Variants in GRID2 observed in about 807,000 individuals in gnomAD.
GRID2 encodes the protein glutamate ionotropic receptor delta type subunit 2, also known as glutamate receptor ionotropic, delta-2.
Under a neutral mutation model 114.8 loss-of-function variants are expected in GRID2, and 33 were observed. That is an observed-to-expected ratio of 0.29 (90% confidence interval 0.22 to 0.38). GRID2 has a LOEUF of 0.38. GRID2 is among the 10% of genes least tolerant of loss of function. The probability of loss-of-function intolerance (pLI) is 1.00; values close to 1 mark genes in which losing one functional copy is unlikely to be tolerated. For missense variants in GRID2, 1,184 were observed against 1,257.7 expected (o/e 0.94, Z 0.89); for synonymous variants, 505 against 449.9 (o/e 1.12, Z -1.55).
intron 14 of GRID2, among the ~76,000 whole-genome samples, chr4:93,742,679 T>C (rs1172108512): frequency 6.6e-6 from 1 of 152,182 alleles, no homozygotes; most frequent in Non-Finnish European, 1.5e-5. Context: ...ATAATTGTTT[T>C]GGGGCACAAT....
At chr4:92,975,831 T>G (rs1199901661) in intron 2 of GRID2, among the ~76,000 whole-genome samples, 1 of 151,802 alleles carries the variant, frequency 6.6e-6, no homozygotes, top group Admixed American at 6.6e-5. Context: ...AAACATGGAG[T>G]GTTTTGATAG....
intron 2 of GRID2, among the ~76,000 whole-genome samples, chr4:92,649,316 A>T (rs1205411635): frequency 1.3e-5 from 2 of 150,052 alleles, no homozygotes; most frequent in African/African-American, 4.9e-5. Context: ...CTTGAGAACC[A>T]GACGAGGCAA....
chr4:92,351,720 A>G (rs1293448554), intron 1 of GRID2, among the ~76,000 whole-genome samples: 2 of 151,598 alleles, frequency 1.3e-5, no homozygotes, highest in Admixed American at 1.3e-4. Flanking sequence ...CTGTGTCCTC[A>G]AGTATTTTGG....
At chr4:93,374,747 T>C (rs573191041) in intron 8 of GRID2, among the ~76,000 whole-genome samples, 1 of 152,278 alleles carries the variant, frequency 6.6e-6, no homozygotes, top group African/African-American at 2.4e-5. Context: ...TAGATATTTG[T>C]GACAAAATTT....
intron 14 of GRID2, among the ~76,000 whole-genome samples, chr4:93,676,693 T>C (rs1237866972): frequency 6.7e-6 from 1 of 149,240 alleles, no homozygotes; most frequent in Non-Finnish European, 1.5e-5. Context: ...GAGAACATTG[T>C]GCACATATAC....
chr4:92,808,986 A>G (rs2149377554), intron 2 of GRID2, among the ~76,000 whole-genome samples: 1 of 152,048 alleles, frequency 6.6e-6, no homozygotes. Context: ...ATAAAAATGA[A>G]TTTCCTTAAT....
intron 14 of GRID2, among the ~76,000 whole-genome samples, chr4:93,702,540 A>T (rs1285577231): frequency 6.6e-6 from 1 of 152,158 alleles, no homozygotes; most frequent in Non-Finnish European, 1.5e-5. Flanking sequence ...TAATGCTAAA[A>T]AAAATTATTG....
chr4:93,483,780 TA>T (rs1229207938), intron 11 of GRID2, among the ~76,000 whole-genome samples: 1 of 151,844 alleles, frequency 6.6e-6, no homozygotes, highest in Non-Finnish European at 1.5e-5. Context: ...CTTTGGAAAA[TA>T]AAAATTTTTC....
chr4:93,115,202 C>T (rs1446275707), intron 4 of GRID2, among the ~76,000 whole-genome samples: 1 of 151,050 alleles, frequency 6.6e-6, no homozygotes, highest in Non-Finnish European at 1.5e-5. Flanking sequence ...TTTATTTCTA[C>T]CTCCAGTTAT....
chr4:93,165,718 A>C (rs1402563617), intron 4 of GRID2, among the ~76,000 whole-genome samples: 1 of 152,076 alleles, frequency 6.6e-6, no homozygotes, highest in Non-Finnish European at 1.5e-5. Context: ...CAATAGTAGC[A>C]ACTTAACATA....
chr4:92,918,541 A>G (rs1749017916), intron 2 of GRID2, among the ~76,000 whole-genome samples: 1 of 152,160 alleles, frequency 6.6e-6, no homozygotes, highest in African/African-American at 2.4e-5. Context: ...TACCGAATTT[A>G]TGGAGAGTTT....
intron 2 of GRID2, among the ~76,000 whole-genome samples, chr4:92,959,939 G>A (rs1229145637): frequency 6.6e-6 from 1 of 151,798 alleles, no homozygotes; most frequent in East Asian, 1.9e-4. Flanking sequence ...AACCACCATG[G>A]CACATGTGTA....
chr4:92,431,949 T>C (rs1222742874), intron 1 of GRID2, among the ~76,000 whole-genome samples: 3 of 152,260 alleles, frequency 2.0e-5, no homozygotes, highest in Admixed American at 6.5e-5. Context: ...TGTGTCTGCA[T>C]TGGGGGAACC....
At chr4:93,221,492 A>T (rs1744871129) in intron 6 of GRID2, among the ~76,000 whole-genome samples, 2 of 152,212 alleles carry the variant, frequency 1.3e-5, no homozygotes, top group Middle Eastern at 6.8e-3. Flanking sequence ...TTTAGAGGTG[A>T]TGTATGTTTC....
intron 2 of GRID2, among the ~76,000 whole-genome samples, chr4:92,760,372 A>G (rs958933438): frequency 3.3e-5 from 5 of 152,002 alleles, no homozygotes; most frequent in African/African-American, 1.2e-4. Flanking sequence ...GAAGATTGTA[A>G]GCAGAAGGCT....
intron 8 of GRID2, among the ~76,000 whole-genome samples, chr4:93,382,186 T>C (rs1043991086): frequency 2.6e-5 from 4 of 152,132 alleles, no homozygotes; most frequent in African/African-American, 9.6e-5. Context: ...ATTCTCTTTT[T>C]TGTCTTCATC....
chr4:92,684,504 C>T (rs1043684005), intron 2 of GRID2, among the ~76,000 whole-genome samples: 2 of 151,924 alleles, frequency 1.3e-5, no homozygotes, highest in Non-Finnish European at 2.9e-5. Context: ...TCTTTCCTAA[C>T]AAGAACATCA....
At chr4:92,543,667 T>C (rs1374811775) in intron 1 of GRID2, among the ~76,000 whole-genome samples, 1 of 152,152 alleles carries the variant, frequency 6.6e-6, no homozygotes, top group Non-Finnish European at 1.5e-5. Context: ...AATGAATGAA[T>C]GAATGAATGG....
chr4:92,723,345 C>T (rs553568592), intron 2 of GRID2, among the ~76,000 whole-genome samples: 1 of 151,968 alleles, frequency 6.6e-6, no homozygotes, highest in Admixed American at 6.6e-5. Flanking sequence ...CACTTTAAGA[C>T]GTTGGTAATG....
Sources: gnomAD v4.1 joint callset for allele counts (sites outside exome capture counted in the v4.1 genomes callset) on GRCh38, gnomAD v4.1.1 for gene constraint, MANE v1.5 for transcripts, NCBI Gene and HGNC (gene_info 2026-07-23, HGNC 2026-07-21) for gene names.